MIPOL1: variants seen among roughly 807,000 people sequenced by gnomAD.
The protein encoded by MIPOL1 is mirror-image polydactyly gene 1 protein.
A neutral mutation model predicts 60.9 loss-of-function variants in MIPOL1; 57 were observed. The ratio of observed to expected loss-of-function variants is 0.94; its 90% confidence interval spans 0.76 to 1.17. MIPOL1 has a LOEUF of 1.17. Ranked by LOEUF, MIPOL1 falls within the 50% of genes most tolerant of loss-of-function variation. The probability of loss-of-function intolerance (pLI) is 0.00; values close to 1 mark genes in which losing one functional copy is unlikely to be tolerated. For synonymous variants in MIPOL1, 179 were observed against 168.8 expected (o/e 1.06, Z -0.47); for missense variants, 551 against 511.6 (o/e 1.08, Z -0.74).
chr14:37,541,286 G>A (rs1305249322), intron 12 of MIPOL1, among the ~76,000 whole-genome samples: 2 of 152,142 alleles, frequency 1.3e-5, no homozygotes, highest in Non-Finnish European at 2.9e-5. Context: ...TCTCCCCGTA[G>A]AGTAACAGCC....
At chr14:37,310,358 C>T (rs1426973858) in intron 9 of MIPOL1, among the ~76,000 whole-genome samples, 2 of 152,044 alleles carry the variant, frequency 1.3e-5, no homozygotes, top group Non-Finnish European at 2.9e-5. Flanking sequence ...TTCACTCTCC[C>T]CTCTAGAGGA....
At chr14:37,405,900 G>GTTT (rs57253765) in intron 10 of MIPOL1, among the ~76,000 whole-genome samples, 1 of 140,668 alleles carries the variant, frequency 7.1e-6, no homozygotes, top group African/African-American at 2.5e-5. Context: ...TTTTTTAAGA[G>GTTT]TTTTTTTTTT....
intron 12 of MIPOL1, among the ~76,000 whole-genome samples, chr14:37,519,795 A>C (rs1413170828): frequency 1.3e-5 from 2 of 152,136 alleles, no homozygotes; most frequent in African/African-American, 4.8e-5. Context: ...ATGGTATTTT[A>C]TGTTTAGAAA....
chr14:37,285,653 G>A (rs577084611), intron 7 of MIPOL1, among the ~76,000 whole-genome samples: 7 of 150,098 alleles, frequency 4.7e-5, no homozygotes, highest in Non-Finnish European at 1.0e-4. Flanking sequence ...GTGCAGTGGC[G>A]CAATCTCAGC....
At chr14:37,448,387 G>A (rs1309297793) in intron 11 of MIPOL1, among the ~76,000 whole-genome samples, 1 of 152,186 alleles carries the variant, frequency 6.6e-6, no homozygotes, top group Non-Finnish European at 1.5e-5. Context: ...ACTGGTATTT[G>A]TAGTAGTTTA....
At chr14:37,382,923 C>T (rs773887972) in intron 10 of MIPOL1, among the ~76,000 whole-genome samples, 9 of 151,434 alleles carry the variant, frequency 5.9e-5, no homozygotes, top group Non-Finnish European at 8.9e-5. Context: ...ATTTAAAATT[C>T]GATACAAAAA....
intron 7 of MIPOL1, among the ~76,000 whole-genome samples, chr14:37,298,338 C>T (rs2085980392): frequency 6.6e-6 from 1 of 151,510 alleles, no homozygotes; most frequent in East Asian, 2.0e-4. Context: ...GACCTAAAAC[C>T]ATAAAAACCC....
intron 1 of MIPOL1, among the ~76,000 whole-genome samples, chr14:37,226,784 G>A (rs1969820331): frequency 6.6e-6 from 1 of 152,124 alleles, no homozygotes; most frequent in Non-Finnish European, 1.5e-5. Flanking sequence ...AGCCTGGGCA[G>A]TGGAGTGAGA....
chr14:37,519,048 T>G (rs570867427), intron 12 of MIPOL1, among the ~76,000 whole-genome samples: 1 of 152,226 alleles, frequency 6.6e-6, no homozygotes, highest in South Asian at 2.1e-4. Context: ...TTAATAAATG[T>G]AGAGAGAATG....
intron 11 of MIPOL1, among the ~76,000 whole-genome samples, chr14:37,493,359 C>T (rs1226897925): frequency 6.6e-6 from 1 of 152,062 alleles, no homozygotes; most frequent in Non-Finnish European, 1.5e-5. Flanking sequence ...TTCCAAGTTA[C>T]ATTAAGCTGA....
At chr14:37,419,722 G>A (rs1595697421) in intron 10 of MIPOL1, among the ~76,000 whole-genome samples, 2 of 151,780 alleles carry the variant, frequency 1.3e-5, no homozygotes, top group African/African-American at 2.4e-5. Flanking sequence ...AGTGTGATAC[G>A]TGGAATGGGG....
Position 37,337,920 on chromosome 14 carries a change from A to G in MIPOL1, c.828+29401A>G, listed in dbSNP as rs533433182. Among the ~76,000 whole-genome samples, 7 of 152,076 alleles carry G rather than the reference A, an allele frequency of 4.6e-5. No homozygotes were observed. In the East Asian group the frequency reaches 1.4e-3, roughly 30 times the overall value. The stretch of plus-strand genomic sequence containing the variant: ...AATTTATTTTTTCTTCAGTCACTCA[A>G]AAGATAAGAAGGCTTTGTCTAACTC... On this transcript the variant is annotated intron_variant, in intron 9 of 12. Transcript: ENST00000684589.
intron 10 of MIPOL1, among the ~76,000 whole-genome samples, chr14:37,379,435 C>A (rs1333498543): frequency 6.6e-6 from 1 of 151,920 alleles, no homozygotes. Context: ...AAACCAAAAT[C>A]CCAAGCAACA....
At chr14:37,201,854 A>G (rs4900700) in intron 1 of MIPOL1, among the ~76,000 whole-genome samples, 28,147 of 152,092 alleles carry the variant, frequency 0.19, 3,242 homozygotes, top group Non-Finnish European at 0.26. Flanking sequence ...TTGCTTTTAG[A>G]AACAGGATCT....
intron 11 of MIPOL1, among the ~76,000 whole-genome samples, chr14:37,446,994 C>T (rs552242790): frequency 3.9e-5 from 6 of 151,926 alleles, no homozygotes; most frequent in Non-Finnish European, 7.4e-5. Context: ...TTAATGGGTG[C>T]AGCACACCAG....
chr14:37,253,414 T>G (rs976541757), intron 3 of MIPOL1, among the ~76,000 whole-genome samples: 7 of 151,786 alleles, frequency 4.6e-5, no homozygotes, highest in Non-Finnish European at 8.9e-5. Flanking sequence ...CCTACTACAA[T>G]GTCTGAAACA....
At chr14:37,291,928 T>TC (rs1276956008) in intron 7 of MIPOL1, among the ~76,000 whole-genome samples, 5 of 142,946 alleles carry the variant, frequency 3.5e-5, no homozygotes. Flanking sequence ...TTTTTTTTTT[T>TC]TTTTTTTTTT....
At chr14:37,313,680 C>A (rs573345703) in intron 9 of MIPOL1, among the ~76,000 whole-genome samples, 1 of 152,062 alleles carries the variant, frequency 6.6e-6, no homozygotes, top group African/African-American at 2.4e-5. Flanking sequence ...TATGTACATG[C>A]GTGTTTGGAC....
chr14:37,524,571 T>TC (rs1566773245), intron 12 of MIPOL1, among the ~76,000 whole-genome samples: 23 of 111,964 alleles, frequency 2.1e-4, no homozygotes, highest in Middle Eastern at 4.8e-3. Flanking sequence ...TTTTCTTTTC[T>TC]TTTTTTTTTT....
Sources: gnomAD v4.1 joint callset for allele counts (sites outside exome capture counted in the v4.1 genomes callset) on GRCh38, gnomAD v4.1.1 for gene constraint, MANE v1.5 for transcripts, NCBI Gene and HGNC (gene_info 2026-07-23, HGNC 2026-07-21) for gene names.